Variants in NINJ2 observed in about 807,000 individuals in gnomAD.
NINJ2 encodes the protein ninjurin 2.
NINJ2 carries 12 observed loss-of-function variants against 11.7 expected under a neutral mutation model. That is an observed-to-expected ratio of 1.02 (90% confidence interval 0.66 to 1.66). The LOEUF is 1.66. NINJ2 is among the 40% of genes most tolerant of loss of function. NINJ2 has a pLI of 0.00. For synonymous variants in NINJ2, 93 were observed against 76.8 expected (o/e 1.21, Z -1.10); for missense variants, 187 against 181.8 (o/e 1.03, Z -0.16).
chr12:658,322 A>G (rs1237932698), intron 1 of NINJ2, among the ~76,000 whole-genome samples: 2 of 152,134 alleles, frequency 1.3e-5, no homozygotes, highest in African/African-American at 2.4e-5. Context: ...TTTATACAGA[A>G]TGATACGTAA....
intron 1 of NINJ2, among the ~76,000 whole-genome samples, chr12:597,387 T>C (rs1049251813): frequency 9.9e-5 from 15 of 152,210 alleles, no homozygotes; most frequent in African/African-American, 1.4e-4. Flanking sequence ...TTGCTATTAT[T>C]ATACGTTTTC....
chr12:602,604 A>C (rs552972981), intron 1 of NINJ2, among the ~76,000 whole-genome samples: 52 of 152,272 alleles, frequency 3.4e-4, no homozygotes, highest in African/African-American at 1.1e-3. Context: ...CATTGTGTGA[A>C]TGTATATACC....
At chr12:592,626 G>C (rs1947732341) in intron 1 of NINJ2, among the ~76,000 whole-genome samples, 1 of 152,192 alleles carries the variant, frequency 6.6e-6, no homozygotes, top group South Asian at 2.1e-4. Flanking sequence ...CTTGAACCCA[G>C]GAGGTGGAGG....
intron 1 of NINJ2, among the ~76,000 whole-genome samples, chr12:599,652 C>A (rs1361212334): frequency 2.0e-5 from 3 of 152,218 alleles, no homozygotes; most frequent in African/African-American, 7.2e-5. Context: ...TTCGTGGCTT[C>A]ATTGGAATTT....
chr12:596,076 A>G (rs1947781224), intron 1 of NINJ2, among the ~76,000 whole-genome samples: 1 of 152,254 alleles, frequency 6.6e-6, no homozygotes, highest in African/African-American at 2.4e-5. Flanking sequence ...AAAATGGTAC[A>G]GCCACTTTGG....
chr12:565,217 C>G lies in NINJ2; in HGVS notation c.*18G>C, dbSNP rs1438435179. 3 of 1,606,428 alleles carry G rather than the reference C, an allele frequency of 1.9e-6. No individual in the cohort carries two copies. The highest frequency in any genetic ancestry group is 3.4e-5 in the Admixed American group (2 of 59,484). On this transcript the variant is annotated splice_region_variant and 3_prime_UTR_variant, in exon 3 of 4. Coordinates refer to ENST00000305108, the MANE Select transcript of NINJ2 (RefSeq NM_016533.6). The stretch of plus-strand genomic sequence containing the variant: ...CTGGGGTTCCTCCATCCTCCCTCAC[C>G]TGGGTCCCAGGCTGCATTCAGAGAG...
intron 1 of NINJ2, among the ~76,000 whole-genome samples, chr12:579,015 G>A (rs1028506468): frequency 1.3e-5 from 2 of 152,170 alleles, no homozygotes; most frequent in African/African-American, 2.4e-5. Flanking sequence ...ACCTAAACAC[G>A]GGTAAGTGGA....
chr12:662,169 A>C (rs768899776), intron 1 of NINJ2, among the ~76,000 whole-genome samples: 29 of 152,232 alleles, frequency 1.9e-4, no homozygotes, highest in Non-Finnish European at 2.8e-4. Context: ...CAGCCAGGAG[A>C]TAAGCCAGGG....
At chr12:636,630 G>C (rs913353371) in intron 1 of NINJ2, among the ~76,000 whole-genome samples, 2 of 152,028 alleles carry the variant, frequency 1.3e-5, no homozygotes, top group African/African-American at 4.8e-5. Flanking sequence ...ATGAAAAAAG[G>C]CTCAATGTCA....
intron 2 of NINJ2, 34 bp downstream of exon 2, chr12:565,916 G>T: frequency 6.3e-7 from 1 of 1,591,418 alleles, no homozygotes; most frequent in Non-Finnish European, 8.6e-7. Flanking sequence ...CGGGTGCCGA[G>T]GCAGAAGGTC....
At chr12:630,777 G>C (rs958877301) in intron 1 of NINJ2, 1 of 152,420 alleles carries the variant, frequency 6.6e-6, no homozygotes, top group African/African-American at 2.4e-5. Context: ...GTGCGCCCTG[G>C]GCGGGGCGGC....
At chr12:613,970 T>C (rs970620004) in intron 1 of NINJ2, among the ~76,000 whole-genome samples, 3 of 152,288 alleles carry the variant, frequency 2.0e-5, no homozygotes, top group Admixed American at 2.0e-4. Flanking sequence ...CTTTCTTCTC[T>C]GGAAGGAGCA....
chr12:601,495 C>G (rs957048672), intron 1 of NINJ2, among the ~76,000 whole-genome samples: 2 of 151,298 alleles, frequency 1.3e-5, no homozygotes, highest in African/African-American at 4.9e-5. Context: ...TTACAGTGAG[C>G]CAAGATCAGG....
chr12:609,057 G>C (rs1947978521), intron 1 of NINJ2, among the ~76,000 whole-genome samples: 1 of 150,274 alleles, frequency 6.7e-6, no homozygotes. Flanking sequence ...CGCGCTAGGG[G>C]CTGAACGCAC....
At position 604,490 on chromosome 12, in the gene NINJ2, T is replaced by C. The variant is rs73596250; in HGVS notation, c.34-38312A>G. 3.6e-3 allele frequency among the ~76,000 whole-genome samples: 549 copies of C among 152,056 alleles called. 4 individuals are homozygous for C. Among genetic ancestry groups the C allele is most frequent in the African/African-American group, 0.012 (518 of 41,466 alleles). ...CCGTCTCTACTAAAAATACAAAAAT[T>C]AGCCGGGCGTGGTGGTGGGCACCTG... On this transcript the variant is annotated intron_variant, in intron 1 of 3. Transcript: ENST00000305108.
At chr12:634,057 T>G (rs547383850) in intron 1 of NINJ2, among the ~76,000 whole-genome samples, 21 of 152,158 alleles carry the variant, frequency 1.4e-4, no homozygotes, top group Admixed American at 9.8e-4. Flanking sequence ...TTATTCTTCT[T>G]TAACAAAACC....
intron 1 of NINJ2, among the ~76,000 whole-genome samples, chr12:619,544 G>T (rs4980951): frequency 2.0e-5 from 3 of 152,034 alleles, no homozygotes; most frequent in Admixed American, 1.3e-4. Context: ...GAATTAGAAT[G>T]TAAAGAACGC....
chr12:611,393 A>C (rs898077348), intron 1 of NINJ2, among the ~76,000 whole-genome samples: 2 of 148,506 alleles, frequency 1.3e-5, no homozygotes, highest in Non-Finnish European at 3.0e-5. Context: ...GCTGGAGTGC[A>C]GTGGCACGAT....
intron 1 of NINJ2, among the ~76,000 whole-genome samples, chr12:617,464 A>T (rs1344360760): frequency 6.6e-6 from 1 of 152,180 alleles, no homozygotes; most frequent in Admixed American, 6.5e-5. Context: ...CTGCCTCCAC[A>T]ACAGCTGATG....
Sources: allele counts gnomAD v4.1 joint callset (sites outside exome capture counted in the v4.1 genomes callset), GRCh38; gene constraint gnomAD v4.1.1; transcripts MANE v1.5; gene names NCBI Gene and HGNC (gene_info 2026-07-23, HGNC 2026-07-21).